The following UNC5C variants were observed in gnomAD, a reference collection of about 807,000 sequenced individuals.
UNC5C encodes the protein netrin receptor UNC5C.
In UNC5C, 47 loss-of-function variants were observed where a neutral mutation model predicts 99.8. The ratio of observed to expected loss-of-function variants is 0.47; its 90% confidence interval spans 0.37 to 0.60. The LOEUF is 0.60. UNC5C is among the 20% of genes least tolerant of loss of function. The probability of loss-of-function intolerance (pLI) is 0.00; values close to 1 mark genes in which losing one functional copy is unlikely to be tolerated. For missense variants in UNC5C, 1,062 were observed against 1,165.9 expected, an observed-to-expected ratio of 0.91 and a Z score of 1.30; for synonymous variants, 487 against 452.2, an observed-to-expected ratio of 1.08 and a Z score of -0.98.
intron 1 of UNC5C, among the ~76,000 whole-genome samples, chr4:95,504,102 C>G (rs1480354142): frequency 1.3e-5 from 2 of 152,118 alleles, no homozygotes; most frequent in African/African-American, 4.8e-5. Flanking sequence ...CATATGTTAG[C>G]AGTAAAACAT....
At chr4:95,489,476 G>A (rs1015949162) in intron 1 of UNC5C, among the ~76,000 whole-genome samples, 2 of 151,672 alleles carry the variant, frequency 1.3e-5, no homozygotes, top group African/African-American at 4.8e-5. Context: ...GGTATTAGAA[G>A]ATCACATGGT....
At chr4:95,265,586 A>G (rs1452574471) in intron 4 of UNC5C, among the ~76,000 whole-genome samples, 1 of 152,210 alleles carries the variant, frequency 6.6e-6, no homozygotes, top group East Asian at 1.9e-4. Flanking sequence ...CACTTTTTAA[A>G]TGAATGACTT....
chr4:95,359,918 G>A (rs187569816), intron 1 of UNC5C, among the ~76,000 whole-genome samples: 134 of 152,190 alleles, frequency 8.8e-4, no homozygotes, highest in African/African-American at 2.3e-3. Flanking sequence ...CAATAGCACC[G>A]TGGGTAATAT....
At chr4:95,477,229 T>G (rs936448191) in intron 1 of UNC5C, among the ~76,000 whole-genome samples, 1 of 152,002 alleles carries the variant, frequency 6.6e-6, no homozygotes, top group South Asian at 2.1e-4. Flanking sequence ...GATTTTCTTA[T>G]TCCTTTTGTA....
At chr4:95,500,646 C>T (rs1486226433) in intron 1 of UNC5C, among the ~76,000 whole-genome samples, 2 of 152,144 alleles carry the variant, frequency 1.3e-5, no homozygotes, top group Admixed American at 6.6e-5. Context: ...ATATGTTCTT[C>T]CTCAAGCTAT....
intron 5 of UNC5C, among the ~76,000 whole-genome samples, chr4:95,247,652 C>T (rs1043487541): frequency 5.9e-5 from 9 of 152,176 alleles, no homozygotes; most frequent in Admixed American, 5.2e-4. Context: ...GACAGAAATA[C>T]TCCTATGACC....
intron 4 of UNC5C, among the ~76,000 whole-genome samples, chr4:95,251,901 T>C (rs921528263): frequency 2.0e-5 from 3 of 152,116 alleles, no homozygotes; most frequent in African/African-American, 7.2e-5. Flanking sequence ...TCAACAACAA[T>C]CCTGAAATAT....
At chr4:95,274,722 A>T (rs2149392617) in intron 4 of UNC5C, among the ~76,000 whole-genome samples, 1 of 152,216 alleles carries the variant, frequency 6.6e-6, no homozygotes, top group Non-Finnish European at 1.5e-5. Context: ...GAACAATAGT[A>T]GCTTTAAAGA....
chr4:95,502,416 A>G (rs1721798302), intron 1 of UNC5C, among the ~76,000 whole-genome samples: 1 of 152,046 alleles, frequency 6.6e-6, no homozygotes, highest in South Asian at 2.1e-4. Context: ...CAACAGTTGC[A>G]CACCACCATG....
At chr4:95,518,721 T>A (rs1029228369) in intron 1 of UNC5C, among the ~76,000 whole-genome samples, 2 of 152,322 alleles carry the variant, frequency 1.3e-5, no homozygotes, top group Non-Finnish European at 2.9e-5. Flanking sequence ...TCAAACAAGA[T>A]CTACTTTGTG....
Position 95,335,513 on chromosome 4 carries a change from C to G in UNC5C, c.243G>C (p.Leu81=), listed in dbSNP as rs1263235464. The change falls in exon 2 of 16, where the codon CTG becomes CTC. Residue 81 remains leucine (L), a synonymous_variant. Coordinates refer to ENST00000453304, the MANE Select transcript of UNC5C (RefSeq NM_003728.4). ...AYIVKNKPVN[L]YCKASPATQI... ...GGGTGGCAGGGCTTGCTTTACAGTA[C>G]AGGTTCACGGGCTTATTCTTCACAA... The G allele has an allele frequency of 6.2e-7, 1 of 1,612,306 alleles. No homozygotes were observed. Among genetic ancestry groups the G allele is most frequent in the African/African-American group, 1.3e-5 (1 of 74,808 alleles).
At chr4:95,268,003 G>A (rs1445846596) in intron 4 of UNC5C, among the ~76,000 whole-genome samples, 1 of 137,818 alleles carries the variant, frequency 7.3e-6, no homozygotes, top group Non-Finnish European at 1.5e-5. Flanking sequence ...AGGCTGGAGT[G>A]CAGTGGCGCG....
intron 12 of UNC5C, among the ~76,000 whole-genome samples, chr4:95,195,747 A>G (rs1472426613): frequency 3.9e-5 from 6 of 151,966 alleles, no homozygotes; most frequent in Non-Finnish European, 8.8e-5. Flanking sequence ...ACTTCCGCCA[A>G]CCTCCTTTCT....
At chr4:95,491,707 C>T (rs747973509) in intron 1 of UNC5C, among the ~76,000 whole-genome samples, 1 of 151,532 alleles carries the variant, frequency 6.6e-6, no homozygotes, top group African/African-American at 2.4e-5. Context: ...TTATAACTAT[C>T]AATTATAAAG....
At chr4:95,329,187 G>C (rs1304065575) in intron 2 of UNC5C, among the ~76,000 whole-genome samples, 1 of 152,208 alleles carries the variant, frequency 6.6e-6, no homozygotes, top group Non-Finnish European at 1.5e-5. Flanking sequence ...TATTTGGGAG[G>C]CTGAGGTGGG....
chr4:95,250,826 T>C (rs754682459), intron 4 of UNC5C, among the ~76,000 whole-genome samples, 159 bp from the exon 5 acceptor site: 1 of 152,240 alleles, frequency 6.6e-6, no homozygotes, highest in Non-Finnish European at 1.5e-5. Context: ...CATGAACTTC[T>C]GCAAACTGGT....
intron 10 of UNC5C, among the ~76,000 whole-genome samples, chr4:95,207,710 C>T (rs1270446526): frequency 6.6e-6 from 1 of 152,046 alleles, no homozygotes; most frequent in African/African-American, 2.4e-5. Context: ...TTAGAAGGGC[C>T]CTTGGAAGTC....
chr4:95,520,296 A>T (rs1213903518), intron 1 of UNC5C, among the ~76,000 whole-genome samples: 1 of 152,200 alleles, frequency 6.6e-6, no homozygotes, highest in Non-Finnish European at 1.5e-5. Context: ...AGGATTATCT[A>T]CCGTAAGATT....
At chr4:95,174,747 T>C (rs1365063862) in intron 14 of UNC5C, among the ~76,000 whole-genome samples, 1 of 148,032 alleles carries the variant, frequency 6.8e-6, no homozygotes, top group African/African-American at 2.5e-5. Flanking sequence ...GTTCTGTAGA[T>C]GTCTATTAGG....
Sources: gnomAD v4.1 joint callset for allele counts (sites outside exome capture counted in the v4.1 genomes callset) on GRCh38, gnomAD v4.1.1 for gene constraint, MANE v1.5 for transcripts, NCBI Gene and HGNC (gene_info 2026-07-23, HGNC 2026-07-21) for gene names.